The following BICC1 variants were observed in gnomAD, a reference collection of about 807,000 sequenced individuals.
The protein encoded by BICC1 is BicC family RNA binding protein 1.
BICC1 carries 43 observed loss-of-function variants against 111.0 expected under a neutral mutation model. The observed-to-expected ratio is 0.39, with a 90% CI of 0.30 to 0.50. The LOEUF is 0.50. BICC1 is among the 20% of genes least tolerant of loss of function. BICC1 has a pLI of 0.88. For missense variants in BICC1, 1,091 were observed against 1,203.2 expected (o/e 0.91, Z 1.38); for synonymous variants, 467 against 434.4 (o/e 1.07, Z -0.93).
At chr10:58,801,343 A>G (rs1345752504) in intron 14 of BICC1, among the ~76,000 whole-genome samples, 1 of 152,050 alleles carries the variant, frequency 6.6e-6, no homozygotes, top group Non-Finnish European at 1.5e-5. Flanking sequence ...CAGCAGGGCC[A>G]TTTTTATTCT....
At chr10:58,721,110 C>G (rs1840925672) in intron 3 of BICC1, among the ~76,000 whole-genome samples, 1 of 152,198 alleles carries the variant, frequency 6.6e-6, no homozygotes, top group Admixed American at 6.5e-5. Context: ...GGGCTGGAGT[C>G]AGAACACAAA....
rs889144986 is a variant in BICC1 at position 58,830,486 on chromosome 10, A to G, written c.*1595A>G. ...AGCAGAAGGCATTAGATAAGCATATACAAGAATTGGGTACTTTTATACAAA... is the reference window on the plus strand; with the variant it reads ...AGCAGAAGGCATTAGATAAGCATATGCAAGAATTGGGTACTTTTATACAAA... On this transcript the variant is annotated 3_prime_UTR_variant, in exon 21 of 21. Coordinates refer to ENST00000373886, the MANE Select transcript of BICC1 (RefSeq NM_001080512.3). 2.0e-5 allele frequency: 3 copies of G among 152,198 alleles called. No homozygotes were observed. The highest frequency in any genetic ancestry group is 4.4e-5 in the Non-Finnish European group (3 of 68,028). The allele number at this position is 152,198 out of a possible 1,614,324, so 9.4% of individuals were successfully genotyped here.
chr10:58,586,558 T>C (rs1287271346), intron 1 of BICC1, among the ~76,000 whole-genome samples: 1 of 149,666 alleles, frequency 6.7e-6, no homozygotes, highest in Admixed American at 6.7e-5. Context: ...GAGGTTGCAG[T>C]GAGCGGAGAT....
At chr10:58,658,592 T>G (rs1838737743) in intron 2 of BICC1, among the ~76,000 whole-genome samples, 1 of 152,144 alleles carries the variant, frequency 6.6e-6, no homozygotes, top group African/African-American at 2.4e-5. Context: ...TAAAGAGCGC[T>G]CTTTTATTCC....
At chr10:58,628,475 T>A (rs1029801913) in intron 2 of BICC1, among the ~76,000 whole-genome samples, 12 of 152,190 alleles carry the variant, frequency 7.9e-5, no homozygotes, top group African/African-American at 2.9e-4. Context: ...TGTTTTGACA[T>A]TCAGAGGTGT....
intron 17 of BICC1, among the ~76,000 whole-genome samples, chr10:58,812,888 G>A (rs1017179388): frequency 6.6e-6 from 1 of 152,146 alleles, no homozygotes; most frequent in Non-Finnish European, 1.5e-5. Flanking sequence ...AGTAGACAGA[G>A]GGAAGGGAAG....
Position 58,830,337 on chromosome 10 carries a change from T to C in BICC1, c.*1446T>C, listed in dbSNP as rs991187113. ...TCTTCAAAGCAATATTATTTCCAAG[T>C]ATATTAATTTGTTAGAAAACTTTCC... On this transcript the variant is annotated 3_prime_UTR_variant, in exon 21 of 21. Transcript: ENST00000373886. The C allele has an allele frequency of 6.6e-6, 1 of 152,050 alleles. No homozygotes were observed. The highest frequency in any genetic ancestry group is 1.5e-5 in the Non-Finnish European group (1 of 67,980). The allele number at this position is 152,050 out of a possible 1,614,324, so 9.4% of individuals were successfully genotyped here.
intron 2 of BICC1, among the ~76,000 whole-genome samples, chr10:58,697,793 A>G (rs867783816): frequency 6.6e-6 from 1 of 151,228 alleles, no homozygotes; most frequent in Non-Finnish European, 1.5e-5. Context: ...TCCTGGACCA[A>G]CCTCCACCCA....
At chr10:58,551,228 C>T (rs765796233) in intron 1 of BICC1, among the ~76,000 whole-genome samples, 6 of 152,114 alleles carry the variant, frequency 3.9e-5, no homozygotes, top group Non-Finnish European at 7.4e-5. Context: ...GTAATGTGAA[C>T]TAGATTAATG....
chr10:58,775,789 GC>G (rs1196154454), intron 3 of BICC1, among the ~76,000 whole-genome samples: 3 of 152,108 alleles, frequency 2.0e-5, no homozygotes, highest in Non-Finnish European at 4.4e-5. Context: ...AGGCAGATAG[GC>G]ATTTTGCAAG....
intron 1 of BICC1, among the ~76,000 whole-genome samples, chr10:58,606,115 A>G (rs1564509506): frequency 6.6e-6 from 1 of 150,718 alleles, no homozygotes; most frequent in African/African-American, 2.4e-5. Flanking sequence ...ATCCTTTACT[A>G]TTTGCCTTCT....
chr10:58,814,633 A>T (rs975287543), intron 18 of BICC1, among the ~76,000 whole-genome samples: 1 of 151,508 alleles, frequency 6.6e-6, no homozygotes, highest in Non-Finnish European at 1.5e-5. Flanking sequence ...AAAAAAAAAA[A>T]AAAAACAAGA....
intron 2 of BICC1, among the ~76,000 whole-genome samples, chr10:58,622,242 C>T (rs1400181464): frequency 6.6e-6 from 1 of 152,084 alleles, no homozygotes; most frequent in Non-Finnish European, 1.5e-5. Context: ...CTTGGGTTGG[C>T]TCTGATGGTA....
At chr10:58,703,381 T>C (rs915436769) in intron 3 of BICC1, among the ~76,000 whole-genome samples, 8 of 152,074 alleles carry the variant, frequency 5.3e-5, no homozygotes, top group Admixed American at 2.6e-4. Context: ...AGGCTGGTCT[T>C]GAACTCCTGA....
At chr10:58,688,695 C>T (rs1475835379) in intron 2 of BICC1, among the ~76,000 whole-genome samples, 1 of 152,150 alleles carries the variant, frequency 6.6e-6, no homozygotes, top group Non-Finnish European at 1.5e-5. Context: ...TAATACTATG[C>T]AGCCATAAAA....
At chr10:58,624,684 C>T (rs1845932035) in intron 2 of BICC1, among the ~76,000 whole-genome samples, 1 of 152,182 alleles carries the variant, frequency 6.6e-6, no homozygotes, top group Admixed American at 6.5e-5. Context: ...ACCCCTGCCT[C>T]CCGGGTTCAA....
At chr10:58,723,833 A>G (rs916468866) in intron 3 of BICC1, among the ~76,000 whole-genome samples, 1 of 152,164 alleles carries the variant, frequency 6.6e-6, no homozygotes, top group South Asian at 2.1e-4. Flanking sequence ...ATAAAGTGCA[A>G]TTTACAGCTG....
intron 2 of BICC1, among the ~76,000 whole-genome samples, chr10:58,629,801 G>T (rs1837738339): frequency 6.6e-6 from 1 of 152,104 alleles, no homozygotes; most frequent in Non-Finnish European, 1.5e-5. Context: ...TGATGTATTT[G>T]ATGTTTTTGC....
In BICC1 at chr10:58,642,740, T is replaced by C. The variant is rs958102165; in HGVS notation, c.237+21839T>C. On this transcript the variant is annotated intron_variant, in intron 2 of 20. Coordinates refer to ENST00000373886, the MANE Select transcript of BICC1 (RefSeq NM_001080512.3). ...TTATTATTGAGGCAGGATCTTGCTC[T>C]GCCACCCAGGTTGGAGTGCAGTGAT... Among the ~76,000 whole-genome samples, 7 of 152,044 alleles carry C rather than the reference T, an allele frequency of 4.6e-5. No individual in the cohort carries two copies. In the South Asian group the frequency reaches 1.5e-3, roughly 32 times the overall value.
Sources: allele counts gnomAD v4.1 joint callset (sites outside exome capture counted in the v4.1 genomes callset), GRCh38; gene constraint gnomAD v4.1.1; transcripts MANE v1.5; gene names NCBI Gene and HGNC (gene_info 2026-07-23, HGNC 2026-07-21).